LCOR: variants seen among roughly 807,000 people sequenced by gnomAD.
The protein encoded by LCOR is ligand dependent nuclear receptor corepressor, also known as ligand-dependent corepressor.
A neutral mutation model predicts 64.4 loss-of-function variants in LCOR; 14 were observed. The ratio of observed to expected loss-of-function variants is 0.22; its 90% CI spans 0.14 to 0.34. The LOEUF is 0.34. Among genes scored for constraint, LCOR ranks in the 10% least tolerant of loss-of-function variants. The probability of loss-of-function intolerance (pLI) is 1.00; values close to 1 mark genes in which losing one functional copy is unlikely to be tolerated. For missense variants in LCOR, 1,686 were observed against 1,765.3 expected (o/e 0.96, Z 0.80); for synonymous variants, 643 against 642.5 (o/e 1.00, Z -0.01).
Position 96,980,940 on chromosome 10 carries a change from T to C in LCOR, c.480T>C (p.Thr160=). ...NDLYTESQPG[T]EDLQPSDSGA... ...TGTACACTGAATCTCAACCAGGCACTGAGGACCTGCAGCCTTCTGATTCGG... is the reference window on the plus strand; with the variant it reads ...TGTACACTGAATCTCAACCAGGCACCGAGGACCTGCAGCCTTCTGATTCGG... Residue 160 remains threonine (T), a synonymous_variant, in exon 8 of 8, where the codon ACT becomes ACC. Coordinates refer to ENST00000421806, the MANE Select transcript of LCOR (RefSeq NM_001346516.2). 1.4e-6 allele frequency: 1 copy of C among 703,048 alleles called. No homozygotes were observed. Among genetic ancestry groups the C allele is most frequent in the Non-Finnish European group, 2.6e-6 (1 of 385,008 alleles). 43.6% of individuals were successfully genotyped at this position (703,048 alleles called of 1,614,324 possible). A position where few individuals can be genotyped will look rare whatever the true frequency, so the allele number is the denominator to read the frequency against.
Position 96,956,553 on chromosome 10 carries a change from G to A in LCOR, c.332+4357G>A, listed in dbSNP as rs114613831. ...CTCACTATTAAATTTATTTAAATTA[G>A]CAAGCTATTAGTGCTCACCCAGAGG... On this transcript the variant is annotated intron_variant, in intron 7 of 7. Transcript: ENST00000421806. 1,978 of 985,542 alleles carry A rather than the reference G, an allele frequency of 2.0e-3. 39 individuals carry two copies. The African/African-American group carries it at 0.032, about 16-fold the overall frequency. The allele number at this position is 985,542 out of a possible 1,614,324, so 61.0% of individuals were successfully genotyped here.
chr10:96,871,579 A>ATTT (rs796092511), intron 2 of LCOR, among the ~76,000 whole-genome samples: 2 of 140,120 alleles, frequency 1.4e-5, no homozygotes, highest in Admixed American at 7.2e-5. Flanking sequence ...CGCCTGGCTA[A>ATTT]TTTTTTTTTT....
intron 7 of LCOR, chr10:96,958,212 C>G: frequency 7.7e-7 from 1 of 1,297,002 alleles, no homozygotes; most frequent in Non-Finnish European, 9.8e-7. Context: ...TTTATCCCCT[C>G]TCAGAAAGAC....
chr10:96,868,795 G>T (rs1846021746), intron 2 of LCOR, among the ~76,000 whole-genome samples: 1 of 152,150 alleles, frequency 6.6e-6, no homozygotes, highest in Non-Finnish European at 1.5e-5. Context: ...TAAGCCTCTT[G>T]ATGATAGGGA....
chr10:96,993,473 C>T lies in LCOR; in HGVS notation c.*8339C>T, dbSNP rs915317137. ...TTTGCAGGAAGAAATAAATTTTGCT[C>T]TCGTCTAAATGTTCACAAGAAGTAA... On this transcript the variant is annotated 3_prime_UTR_variant, in exon 8 of 8. Transcript: ENST00000421806. The T allele has an allele frequency of 6.6e-6, 1 of 152,116 alleles. No individual in the cohort carries two copies. Among genetic ancestry groups the T allele is most frequent in the Non-Finnish European group, 1.5e-5 (1 of 68,016 alleles). 9.4% of individuals were successfully genotyped at this position (152,116 alleles called of 1,614,324 possible).
At chr10:96,950,642 TAAA>T (rs966858454) in intron 6 of LCOR, among the ~76,000 whole-genome samples, 2 of 152,088 alleles carry the variant, frequency 1.3e-5, no homozygotes, top group Admixed American at 1.3e-4. Context: ...AGCATGCTCT[TAAA>T]AAGAGGAATT....
chr10:96,955,700 G>C, intron 7 of LCOR: 1 of 1,614,142 alleles, frequency 6.2e-7, no homozygotes, highest in Non-Finnish European at 8.5e-7. Context: ...CAATCTCAGT[G>C]GTTATGAGTG....
chr10:96,893,866 C>T (rs1846491548), intron 2 of LCOR, among the ~76,000 whole-genome samples: 1 of 152,078 alleles, frequency 6.6e-6, no homozygotes, highest in Non-Finnish European at 1.5e-5. Flanking sequence ...TTCTTAACCA[C>T]TACATCTCTT....
intron 5 of LCOR, among the ~76,000 whole-genome samples, chr10:96,948,640 A>G (rs181375840): frequency 4.3e-4 from 66 of 152,346 alleles, no homozygotes; most frequent in Non-Finnish European, 7.9e-4. Context: ...GGCTGAGGAA[A>G]AAGTCTAGGG....
At chr10:96,920,736 A>G (rs982803618) in intron 4 of LCOR, among the ~76,000 whole-genome samples, 18 of 131,106 alleles carry the variant, frequency 1.4e-4, no homozygotes, top group South Asian at 2.4e-4. Flanking sequence ...GTTCATATAT[A>G]TGTGTATATA....
intron 7 of LCOR, among the ~76,000 whole-genome samples, chr10:96,968,082 T>G (rs1847966773): frequency 2.0e-5 from 3 of 152,238 alleles, no homozygotes; most frequent in Non-Finnish European, 4.4e-5. Context: ...AAAAAAACAT[T>G]AAAATTTACC....
intron 7 of LCOR, chr10:96,956,758 C>G (rs1028216321): frequency 4.1e-6 from 4 of 985,772 alleles, no homozygotes; most frequent in Non-Finnish European, 4.8e-6. Context: ...CAGGAGCAGT[C>G]AGGGTACATT....
intron 4 of LCOR, among the ~76,000 whole-genome samples, chr10:96,923,682 A>C (rs772078604): frequency 1.2e-4 from 18 of 152,216 alleles, no homozygotes; most frequent in Non-Finnish European, 2.1e-4. Flanking sequence ...TTATTGCCTT[A>C]AGGACTAGAT....
At chr10:96,843,653 A>G (rs551280448) in intron 2 of LCOR, among the ~76,000 whole-genome samples, 1 of 152,368 alleles carries the variant, frequency 6.6e-6, no homozygotes, top group South Asian at 2.1e-4. Context: ...GTAGAATAGT[A>G]CAGTGAACAA....
At chr10:96,965,002 C>A (rs1847933572) in intron 7 of LCOR, among the ~76,000 whole-genome samples, 1 of 151,726 alleles carries the variant, frequency 6.6e-6, no homozygotes, top group Non-Finnish European at 1.5e-5. Context: ...TGTTGCTCAA[C>A]ATTTAAAAAA....
chr10:96,958,420 A>T, intron 7 of LCOR: 1 of 1,446,082 alleles, frequency 6.9e-7, no homozygotes, highest in Non-Finnish European at 9.4e-7. Flanking sequence ...AGTGGATGAC[A>T]ATCGAGCAGC....
At chr10:96,923,831 G>C (rs894668155) in intron 4 of LCOR, among the ~76,000 whole-genome samples, 2 of 152,236 alleles carry the variant, frequency 1.3e-5, no homozygotes, top group South Asian at 2.1e-4. Flanking sequence ...ACTAAGACTT[G>C]TCACTAAATC....
At chr10:96,846,547 C>CT (rs746524799) in intron 2 of LCOR, among the ~76,000 whole-genome samples, 20 of 152,214 alleles carry the variant, frequency 1.3e-4, no homozygotes, top group East Asian at 5.8e-4. Flanking sequence ...GCCACTGTGC[C>CT]TGTCTGTACT....
intron 2 of LCOR, among the ~76,000 whole-genome samples, chr10:96,875,592 T>C (rs1846150341): frequency 6.6e-6 from 1 of 152,072 alleles, no homozygotes; most frequent in South Asian, 2.1e-4. Context: ...CCAGGTTTGG[T>C]GGCCCATGCC....
Sources: allele counts gnomAD v4.1 joint callset (sites outside exome capture counted in the v4.1 genomes callset), GRCh38; gene constraint gnomAD v4.1.1; transcripts MANE v1.5; gene names NCBI Gene and HGNC (gene_info 2026-07-23, HGNC 2026-07-21).